FMNL2: variants seen among roughly 807,000 people sequenced by gnomAD.
FMNL2 encodes formin-like protein 2.
Under a neutral mutation model 130.2 loss-of-function variants are expected in FMNL2, and 51 were observed. The ratio of observed to expected loss-of-function variants is 0.39; its 90% CI spans 0.31 to 0.49. The LOEUF (loss-of-function observed/expected upper bound fraction) is 0.49. Ranked by LOEUF, FMNL2 falls within the 20% of genes least tolerant of loss-of-function variation. The pLI is 0.85. For synonymous variants in FMNL2, 465 were observed against 467.1 expected, an observed-to-expected ratio of 1.00 and a Z score of 0.06; for missense variants, 977 against 1,316.2, an observed-to-expected ratio of 0.74 and a Z score of 3.99.
chr2:152,424,894 A>G (rs988331928), intron 1 of FMNL2, among the ~76,000 whole-genome samples: 4 of 152,214 alleles, frequency 2.6e-5, no homozygotes, highest in East Asian at 1.9e-4. Flanking sequence ...TTGAAACACT[A>G]TGTCTGGTAT....
chr2:152,335,439 G>C lies in FMNL2; in HGVS notation c.-165G>C. 1 of 354,524 alleles carries C rather than the reference G, an allele frequency of 2.8e-6. No individual in the cohort carries two copies. The highest frequency in any genetic ancestry group is 4.9e-6 in the Non-Finnish European group (1 of 204,096). 22.0% of individuals were successfully genotyped at this position (354,524 alleles called of 1,614,324 possible). ...GCCGGGGGGCGGCTCGGCTTGGAGC[G>C]CTGCTAGGGAGCGGTGCGCGCCGCA... On this transcript the variant is annotated 5_prime_UTR_variant, in exon 1 of 26. Coordinates refer to ENST00000288670, the MANE Select transcript of FMNL2 (RefSeq NM_052905.4).
chr2:152,499,383 C>T (rs947581319), intron 1 of FMNL2, among the ~76,000 whole-genome samples: 1 of 152,166 alleles, frequency 6.6e-6, no homozygotes, highest in Non-Finnish European at 1.5e-5. Flanking sequence ...CTCTGCAGGC[C>T]TCTTGCTGGT....
In FMNL2 at chr2:152,573,407, TG is replaced by T. The variant is rs1395680661; in HGVS notation, c.597-1728del. Among the ~76,000 whole-genome samples the T allele has an allele frequency of 1.1e-4, 17 of 152,340 alleles. No individual in the cohort carries two copies. In the East Asian group the frequency reaches 3.1e-3, roughly 28 times the overall value. ...ACATGATCACCCAGCAGATTGTTGA[TG>T]AGTCAGGTTGATGATGAGCAACTCG... On this transcript the variant is annotated intron_variant, in intron 6 of 25. Transcript: ENST00000288670.
chr2:152,447,838 G>A (rs1021823345), intron 1 of FMNL2, among the ~76,000 whole-genome samples: 1 of 151,990 alleles, frequency 6.6e-6, no homozygotes, highest in African/African-American at 2.4e-5. Flanking sequence ...GTTCTTCCTT[G>A]TGTGTAGCTT....
intron 1 of FMNL2, among the ~76,000 whole-genome samples, chr2:152,395,069 T>C (rs969006072): frequency 6.6e-6 from 1 of 152,232 alleles, no homozygotes; most frequent in Non-Finnish European, 1.5e-5. Context: ...AAGGATGGAT[T>C]TGCCTTAACT....
chr2:152,468,848 G>A (rs1480350690), intron 1 of FMNL2, among the ~76,000 whole-genome samples: 1 of 152,138 alleles, frequency 6.6e-6, no homozygotes, highest in Non-Finnish European at 1.5e-5. Context: ...GTGATTTGAG[G>A]GTGGGAGCTG....
chr2:152,356,910 G>A (rs995764267), intron 1 of FMNL2, among the ~76,000 whole-genome samples: 1 of 146,382 alleles, frequency 6.8e-6, no homozygotes, highest in African/African-American at 2.5e-5. Context: ...CTGTGAGGCT[G>A]TGAGTTCAGT....
rs1698995722 is a variant in FMNL2 at position 152,617,120 on chromosome 2, T to C, written c.1242T>C (p.Asn414=). The C allele has an allele frequency of 1.9e-6, 3 of 1,613,920 alleles. No individual in the cohort carries two copies. The highest frequency in any genetic ancestry group is 3.3e-5 in the Admixed American group (2 of 60,008). The change falls in exon 13 of 26, where the codon AAT becomes AAC. Residue 414 remains asparagine, a synonymous_variant. Transcript: ENST00000288670. ...HLSEKLQDTE[N]EAMSKIVELE... ...CTGAAAAACTGCAAGACACAGAGAATGAAGCCATGTCCAAGATTGTGGAAC... is the reference window on the plus strand; with the variant it reads ...CTGAAAAACTGCAAGACACAGAGAACGAAGCCATGTCCAAGATTGTGGAAC...
chr2:152,385,837 TG>T (rs761224147), intron 1 of FMNL2, among the ~76,000 whole-genome samples: 7 of 152,236 alleles, frequency 4.6e-5, no homozygotes, highest in Admixed American at 1.3e-4. Context: ...TGTGTTCTTA[TG>T]CCATGGATTT....
chr2:152,473,810 G>A (rs1689984962), intron 1 of FMNL2, among the ~76,000 whole-genome samples: 1 of 152,168 alleles, frequency 6.6e-6, no homozygotes, highest in Non-Finnish European at 1.5e-5. Flanking sequence ...CTTGGACCAT[G>A]GAGTATTTGT....
chr2:152,430,901 C>T (rs1464542742), intron 1 of FMNL2, among the ~76,000 whole-genome samples: 1 of 151,938 alleles, frequency 6.6e-6, no homozygotes, highest in Non-Finnish European at 1.5e-5. Flanking sequence ...ATGTTTATTT[C>T]AGCAAATTCT....
intron 4 of FMNL2, among the ~76,000 whole-genome samples, chr2:152,555,387 C>T (rs912285130): frequency 3.3e-5 from 5 of 152,176 alleles, no homozygotes; most frequent in African/African-American, 1.2e-4. Context: ...TCTGTAGGAC[C>T]TCTCTCTAGA....
intron 1 of FMNL2, among the ~76,000 whole-genome samples, chr2:152,346,217 G>C (rs865914530): frequency 9.2e-5 from 14 of 152,032 alleles, no homozygotes; most frequent in African/African-American, 2.7e-4. Flanking sequence ...TAGAGACGGG[G>C]TTTCATCATG....
At chr2:152,415,568 G>C (rs16831066) in intron 1 of FMNL2, among the ~76,000 whole-genome samples, 78,011 of 152,024 alleles carry the variant, frequency 0.51, 22,103 homozygotes, top group South Asian at 0.68. Context: ...GCATACCTCA[G>C]GTAGAGCTTG....
intron 25 of FMNL2, among the ~76,000 whole-genome samples, chr2:152,645,027 ACTATT>A (rs766071630): frequency 3.4e-4 from 52 of 152,212 alleles, no homozygotes; most frequent in Non-Finnish European, 1.2e-4. Context: ...TTGTGGCATA[ACTATT>A]CTATGAATTG....
intron 1 of FMNL2, among the ~76,000 whole-genome samples, chr2:152,427,175 C>A (rs1434334596): frequency 6.6e-6 from 1 of 152,138 alleles, no homozygotes; most frequent in African/African-American, 2.4e-5. Context: ...GCTAGTAACC[C>A]CTGAGTCCTA....
At chr2:152,421,635 C>T (rs1686928522) in intron 1 of FMNL2, among the ~76,000 whole-genome samples, 1 of 152,162 alleles carries the variant, frequency 6.6e-6, no homozygotes, top group Admixed American at 6.6e-5. Flanking sequence ...CTGAATTCAC[C>T]TAGGAACTTC....
intron 10 of FMNL2, among the ~76,000 whole-genome samples, chr2:152,608,500 T>G (rs934954926): frequency 2.0e-5 from 3 of 149,776 alleles, no homozygotes; most frequent in African/African-American, 7.3e-5. Flanking sequence ...AAGCATGTTA[T>G]TTGCTTTTCA....
At chr2:152,561,446 A>C (rs1028041202) in intron 6 of FMNL2, among the ~76,000 whole-genome samples, 6 of 152,008 alleles carry the variant, frequency 3.9e-5, no homozygotes, top group African/African-American at 1.5e-4. Flanking sequence ...TCATTTCTCC[A>C]GTGGTAGCTC....
Sources: allele counts gnomAD v4.1 joint callset (sites outside exome capture counted in the v4.1 genomes callset), GRCh38; gene constraint gnomAD v4.1.1; transcripts MANE v1.5; gene names NCBI Gene and HGNC (gene_info 2026-07-23, HGNC 2026-07-21).